Variants in CUX2 observed in about 807,000 individuals in gnomAD.
CUX2 encodes homeobox protein cut-like 2.
CUX2 carries 40 observed loss-of-function variants against 144.8 expected under a neutral mutation model. That is an observed-to-expected ratio of 0.28 (90% CI 0.21 to 0.36). CUX2 has a LOEUF of 0.36. CUX2 is among the 10% of genes least tolerant of loss of function. The pLI, the probability that CUX2 is intolerant of heterozygous loss-of-function variation, is 1.00. For missense variants in CUX2, 1,615 were observed against 1,994.0 expected, an observed-to-expected ratio of 0.81 and a Z score of 3.62; for synonymous variants, 827 against 875.6, an observed-to-expected ratio of 0.94 and a Z score of 0.98.
At chr12:111,042,955 G>A (rs963570965) in intron 1 of CUX2, among the ~76,000 whole-genome samples, 1 of 152,086 alleles carries the variant, frequency 6.6e-6, no homozygotes, top group Non-Finnish European at 1.5e-5. Flanking sequence ...GATTAAGTGA[G>A]TTAATGCATA....
At position 111,047,451 on chromosome 12, in the gene CUX2, C is replaced by A. The variant is rs1870053700; in HGVS notation, c.63+13211C>A. 2.6e-5 allele frequency among the ~76,000 whole-genome samples: 4 copies of A among 152,092 alleles called. No individual in the cohort carries two copies. The South Asian group carries it at 8.3e-4, about 32-fold the overall frequency. ...CCTTATAAGCTCTTTCTTTCCATGG[C>A]AGACCTTATACTCATTGCTCTGACT... is the stretch of plus-strand genomic sequence containing the variant. On this transcript the variant is annotated intron_variant, in intron 1 of 21. Transcript: ENST00000261726.
At chr12:111,064,843 G>A (rs1310600494) in intron 1 of CUX2, among the ~76,000 whole-genome samples, 2 of 152,196 alleles carry the variant, frequency 1.3e-5, no homozygotes, top group Non-Finnish European at 2.9e-5. Context: ...GTGGCTTCAT[G>A]TGGAAAGGAC....
intron 1 of CUX2, among the ~76,000 whole-genome samples, chr12:111,110,914 C>T (rs776674757): frequency 3.3e-5 from 5 of 152,100 alleles, no homozygotes; most frequent in Admixed American, 6.5e-5. Flanking sequence ...ACTGTTCTTA[C>T]GAATTGGGAA....
chr12:111,330,463 T>G (rs1888034765), intron 18 of CUX2, among the ~76,000 whole-genome samples: 2 of 151,796 alleles, frequency 1.3e-5, no homozygotes, highest in South Asian at 4.2e-4. Flanking sequence ...CTAACCTCTC[T>G]GAACCTCGGT....
At chr12:111,294,107 G>A (rs1296489746) in intron 6 of CUX2, among the ~76,000 whole-genome samples, 1 of 152,240 alleles carries the variant, frequency 6.6e-6, no homozygotes. Flanking sequence ...GCCGAGGCAG[G>A]AGGATTGCTG....
At chr12:111,086,773 G>GGTTT (rs1237117429) in intron 1 of CUX2, among the ~76,000 whole-genome samples, 1 of 152,126 alleles carries the variant, frequency 6.6e-6, no homozygotes, top group Non-Finnish European at 1.5e-5. Context: ...AGGATTAAAA[G>GGTTT]TGATGAGGCA....
At chr12:111,070,476 C>T (rs1871217382) in intron 1 of CUX2, among the ~76,000 whole-genome samples, 1 of 144,876 alleles carries the variant, frequency 6.9e-6, no homozygotes, top group African/African-American at 2.6e-5. Context: ...ATTTTCTTTA[C>T]AGCAGTTTTA....
intron 7 of CUX2, among the ~76,000 whole-genome samples, chr12:111,296,058 A>G (rs1016601170): frequency 2.0e-5 from 3 of 152,116 alleles, no homozygotes; most frequent in South Asian, 2.1e-4. Context: ...CCGGCCTGCC[A>G]GGTTGGAACC....
intron 3 of CUX2, among the ~76,000 whole-genome samples, chr12:111,245,277 C>T (rs540152498): frequency 7.2e-5 from 11 of 152,050 alleles, no homozygotes; most frequent in Non-Finnish European, 1.2e-4. Flanking sequence ...GACTCACGCT[C>T]GTAATCCCAG....
rs1200672964 is a variant in CUX2, at chr12:111,295,260, T to C, written c.561-73T>C. ...AGTGGGCAAGGGGTAGGAAGCAAGA[T>C]GGGGCTCGACTCGGGGGCCCCAGGC... On this transcript the variant is annotated intron_variant, in intron 6 of 21. Coordinates refer to ENST00000261726, the MANE Select transcript of CUX2 (RefSeq NM_015267.4). The surrounding 1 kb of genome is among the most constrained non-coding windows in gnomAD (Gnocchi z 5.0). 6 of 1,407,684 alleles carry C rather than the reference T, an allele frequency of 4.3e-6. No individual in the cohort carries two copies. Among genetic ancestry groups the C allele is most frequent in the African/African-American group, 1.4e-5 (1 of 69,992 alleles). 87.2% of individuals were successfully genotyped at this position (1,407,684 alleles called of 1,614,324 possible). A position where few individuals can be genotyped will look rare whatever the true frequency, so the allele number is the denominator to read the frequency against.
In CUX2 at chr12:111,037,888, G is replaced by C. The variant is rs1869538600; in HGVS notation, c.63+3648G>C. ...GAGCTGGGGGGCACCCAGTCCAAAT[G>C]AGGGTCCTCGGTCCAAATGCCCATC... is the stretch of plus-strand genomic sequence containing the variant. On this transcript the variant is annotated intron_variant, in intron 1 of 21. Transcript: ENST00000261726. This position sits in a 1 kb window ranked among gnomAD's most constrained non-coding sequence, Gnocchi z 5.4. Among the ~76,000 whole-genome samples, 1 of 152,162 alleles carries C rather than the reference G, an allele frequency of 6.6e-6. No homozygotes were observed. Among genetic ancestry groups the C allele is most frequent in the Non-Finnish European group, 1.5e-5 (1 of 68,038 alleles).
chr12:111,314,327 C>CG (rs58737413), intron 16 of CUX2, among the ~76,000 whole-genome samples: 7,204 of 76,950 alleles, frequency 0.094, 260 homozygotes, highest in East Asian at 0.49. Context: ...CCTGCCTCGG[C>CG]TCCCAAAGTG....
intron 1 of CUX2, among the ~76,000 whole-genome samples, chr12:111,191,245 G>A (rs1375819364): frequency 3.3e-5 from 5 of 152,074 alleles, no homozygotes; most frequent in Non-Finnish European, 7.4e-5. Flanking sequence ...TGCTAAGAAC[G>A]TGCCTGGCCC....
rs531926829 is a variant in CUX2, at chr12:111,322,809, C to G, written c.2926+229C>G. 6.6e-6 allele frequency among the ~76,000 whole-genome samples: 1 copy of G among 152,162 alleles called. No individual in the cohort carries two copies. The highest frequency in any genetic ancestry group is 1.5e-5 in the Non-Finnish European group (1 of 68,042). On this transcript the variant is annotated intron_variant, in intron 18 of 21. Coordinates refer to ENST00000261726, the MANE Select transcript of CUX2 (RefSeq NM_015267.4). This position sits in a 1 kb window ranked among gnomAD's most constrained non-coding sequence, Gnocchi z 4.2. ...CAGAGGGAGGCTTCTAGAAGCTGCA[C>G]GCCTGATGCACTGGGTCCTGGCTTT...
At chr12:111,273,077 T>C (rs1884705383) in intron 4 of CUX2, among the ~76,000 whole-genome samples, 1 of 152,126 alleles carries the variant, frequency 6.6e-6, no homozygotes, top group African/African-American at 2.4e-5. Context: ...AGGCCTGCCC[T>C]TGGAGACTCT....
chr12:111,260,653 G>A (rs6490029), intron 3 of CUX2, among the ~76,000 whole-genome samples: 55,698 of 151,960 alleles, frequency 0.37, 12,961 homozygotes, highest in East Asian at 0.68. Context: ...GACCAAAACT[G>A]TCATCCTCCT....
At chr12:111,214,743 C>A (rs148268209) in intron 2 of CUX2, among the ~76,000 whole-genome samples, 4 of 152,174 alleles carry the variant, frequency 2.6e-5, no homozygotes, top group Admixed American at 6.5e-5. Context: ...CCTCTCACCC[C>A]CTTTACGTTC....
intron 3 of CUX2, among the ~76,000 whole-genome samples, chr12:111,251,122 A>G (rs892807485): frequency 2.0e-5 from 3 of 152,208 alleles, no homozygotes; most frequent in East Asian, 1.9e-4. Flanking sequence ...TTACTGCTAA[A>G]AAAAGCCCTG....
rs1033419578 is a variant in CUX2 at position 111,171,557 on chromosome 12, G to A, written c.64-42643G>A. 6.6e-6 allele frequency among the ~76,000 whole-genome samples: 1 copy of A among 152,176 alleles called. No homozygotes were observed. Among genetic ancestry groups the A allele is most frequent in the African/African-American group, 2.4e-5 (1 of 41,442 alleles). On this transcript the variant is annotated intron_variant, in intron 1 of 21. Transcript: ENST00000261726. This position sits in a 1 kb window ranked among gnomAD's most constrained non-coding sequence, Gnocchi z 5.0. ...TCCCTGTGCACGCAGATGGCTAGTG[G>A]CTCAGTGGGTCTCCGGAGCACAGCC...
Sources: allele counts gnomAD v4.1 joint callset (sites outside exome capture counted in the v4.1 genomes callset), GRCh38; gene constraint gnomAD v4.1.1; non-coding constraint Gnocchi (gnomAD v3.1); transcripts MANE v1.5; gene names NCBI Gene and HGNC (gene_info 2026-07-23, HGNC 2026-07-21).